The following PPP2R2B variants were observed in gnomAD, a reference collection of about 807,000 sequenced individuals.
PPP2R2B encodes the protein serine/threonine-protein phosphatase 2A 55 kDa regulatory subunit B beta isoform.
In PPP2R2B, 5 loss-of-function variants were observed where a neutral mutation model predicts 46.0. The observed-to-expected ratio is 0.11, with a 90% confidence interval of 0.06 to 0.23. The LOEUF is 0.23. Among genes scored for constraint, PPP2R2B ranks in the 10% least tolerant of loss-of-function variants. PPP2R2B has a pLI of 1.00. For missense variants in PPP2R2B, 367 were observed against 575.0 expected (o/e 0.64, Z 3.70); for synonymous variants, 215 against 206.7 (o/e 1.04, Z -0.34).
At chr5:147,015,781 A>G (rs375726994) in intron 1 of PPP2R2B, among the ~76,000 whole-genome samples, 13 of 150,224 alleles carry the variant, frequency 8.7e-5, no homozygotes, top group East Asian at 6.2e-4. Flanking sequence ...AATGTAATAT[A>G]CATTCTTAAT....
At chr5:146,610,027 C>T (rs1008713705) in intron 7 of PPP2R2B, among the ~76,000 whole-genome samples, 1 of 130,706 alleles carries the variant, frequency 7.7e-6, no homozygotes, top group Non-Finnish European at 1.6e-5. Context: ...CCTCTGTGGG[C>T]TCCACCTCTG....
intron 1 of PPP2R2B, among the ~76,000 whole-genome samples, chr5:147,026,365 A>G (rs1755527281): frequency 6.6e-6 from 1 of 152,196 alleles, no homozygotes; most frequent in Non-Finnish European, 1.5e-5. Context: ...GAAGCCAGGA[A>G]AAATACATAC....
chr5:146,928,605 C>G (rs1054391910), intron 1 of PPP2R2B, among the ~76,000 whole-genome samples: 45 of 152,070 alleles, frequency 3.0e-4, no homozygotes, highest in African/African-American at 1.1e-3. Context: ...TGAGAAATAC[C>G]ATCTTTCACA....
chr5:146,950,411 T>C (rs1764616158), intron 1 of PPP2R2B, among the ~76,000 whole-genome samples: 1 of 152,058 alleles, frequency 6.6e-6, no homozygotes, highest in African/African-American at 2.4e-5. Context: ...TGACAGTTGT[T>C]CTACTTATCC....
intron 6 of PPP2R2B, among the ~76,000 whole-genome samples, chr5:146,644,994 G>T (rs1265019228): frequency 6.6e-6 from 1 of 152,158 alleles, no homozygotes; most frequent in East Asian, 1.9e-4. Flanking sequence ...ACGCTTTTCT[G>T]CAGGGCTGAG....
chr5:146,756,861 T>G (rs1224397379), intron 2 of PPP2R2B, among the ~76,000 whole-genome samples: 1 of 152,216 alleles, frequency 6.6e-6, no homozygotes. Flanking sequence ...ATTCAATTAC[T>G]GCACAGCTCT....
intron 5 of PPP2R2B, among the ~76,000 whole-genome samples, chr5:146,686,746 T>C (rs76465341): frequency 0.03 from 4,538 of 152,138 alleles, 111 homozygotes; most frequent in Admixed American, 0.079. Flanking sequence ...CTGATAATAA[T>C]GAGAAAAAGA....
At chr5:146,623,936 T>G (rs1346372754) in intron 7 of PPP2R2B, among the ~76,000 whole-genome samples, 1 of 152,162 alleles carries the variant, frequency 6.6e-6, no homozygotes, top group Non-Finnish European at 1.5e-5. Flanking sequence ...TTATGAGAAC[T>G]GCATGGGGGG....
chr5:146,900,762 A>G (rs1259181161), intron 1 of PPP2R2B, among the ~76,000 whole-genome samples: 1 of 151,588 alleles, frequency 6.6e-6, no homozygotes, highest in Admixed American at 6.6e-5. Context: ...TGCATTAGCT[A>G]TTTTTCCTAA....
chr5:146,717,825 C>T (rs1022158278), intron 2 of PPP2R2B, among the ~76,000 whole-genome samples: 1 of 152,100 alleles, frequency 6.6e-6, no homozygotes, highest in Non-Finnish European at 1.5e-5. Flanking sequence ...TTTGGGGAAA[C>T]ATGCTTTGCC....
chr5:146,746,817 T>G (rs1235434017), intron 2 of PPP2R2B, among the ~76,000 whole-genome samples: 1 of 152,220 alleles, frequency 6.6e-6, no homozygotes, highest in African/African-American at 2.4e-5. Context: ...TGCATTTATC[T>G]TATTAAATGC....
At chr5:146,770,515 G>C (rs1754787065) in intron 2 of PPP2R2B, among the ~76,000 whole-genome samples, 1 of 151,772 alleles carries the variant, frequency 6.6e-6, no homozygotes, top group Non-Finnish European at 1.5e-5. Flanking sequence ...AAATGTATTG[G>C]GAAAATGTAT....
chr5:146,667,574 T>TA (rs143848056), intron 5 of PPP2R2B, among the ~76,000 whole-genome samples: 15,272 of 147,538 alleles, frequency 0.1, 896 homozygotes, highest in East Asian at 0.15. Context: ...TAAACTTACT[T>TA]AAAAAAAAAA....
Position 146,592,980 on chromosome 5 carries a change from C to T in PPP2R2B, c.1043G>A (p.Gly348Glu). 1 of 1,611,666 alleles carries T rather than the reference C, an allele frequency of 6.2e-7. No homozygotes were observed. Among genetic ancestry groups the T allele is most frequent in the Non-Finnish European group, 8.5e-7 (1 of 1,177,800 alleles). The change falls in exon 9 of 10, where the codon GGG (glycine) becomes GAG (glutamate). Residue 348 changes from glycine (G) to glutamate (E), a missense_variant. Gly to Glu is a moderately conservative substitution (Grantham distance 98, BLOSUM62 -2). Transcript: ENST00000394411. ...ACAGAGCCTTTCTTACCTGTCTGACCCATTCCACACACACTCAAATTTATC... is the reference window on the plus strand; with the variant it reads ...ACAGAGCCTTTCTTACCTGTCTGACTCATTCCACACACACTCAAATTTATC... ...IFDKFECVWN[G>E]SDSVIMTGSY...
intron 2 of PPP2R2B, among the ~76,000 whole-genome samples, chr5:147,078,112 A>C (rs1316631037): frequency 6.6e-6 from 1 of 152,204 alleles, no homozygotes; most frequent in Non-Finnish European, 1.5e-5. Flanking sequence ...CTTGACTTCA[A>C]TATCCTCATA....
At chr5:146,715,260 T>C (rs1780430737) in intron 2 of PPP2R2B, among the ~76,000 whole-genome samples, 1 of 152,200 alleles carries the variant, frequency 6.6e-6, no homozygotes, top group Middle Eastern at 3.2e-3. Context: ...GGAAAACTCT[T>C]TTAGCTGCAC....
At chr5:146,638,185 C>T in intron 7 of PPP2R2B, 66 bp downstream of exon 7, 2 of 1,519,168 alleles carry the variant, frequency 1.3e-6, no homozygotes, top group Non-Finnish European at 1.8e-6. Context: ...CATAAGCTTC[C>T]AGGCTCTCCC....
intron 1 of PPP2R2B, among the ~76,000 whole-genome samples, chr5:147,004,887 T>G (rs1754363280): frequency 6.6e-6 from 1 of 152,174 alleles, no homozygotes; most frequent in African/African-American, 2.4e-5. Context: ...ATTGATATAG[T>G]AGCAAAAGGC....
intron 7 of PPP2R2B, among the ~76,000 whole-genome samples, chr5:146,628,429 A>G (rs1382122376): frequency 6.6e-6 from 1 of 152,196 alleles, no homozygotes; most frequent in Admixed American, 6.5e-5. Context: ...GAGTGTCTAC[A>G]GGCAGTGGAC....
Sources: allele counts gnomAD v4.1 joint callset (sites outside exome capture counted in the v4.1 genomes callset), GRCh38; gene constraint gnomAD v4.1.1; transcripts MANE v1.5; gene names NCBI Gene and HGNC (gene_info 2026-07-23, HGNC 2026-07-21).